The following ST8SIA1 variants were observed in gnomAD, a reference collection of about 807,000 sequenced individuals.
The protein encoded by ST8SIA1 is ST8 alpha-N-acetyl-neuraminide alpha-2,8-sialyltransferase 1, also known as alpha-N-acetylneuraminide alpha-2,8-sialyltransferase.
In ST8SIA1, 16 loss-of-function variants were observed where a neutral mutation model predicts 35.9. The observed-to-expected ratio is 0.45, with a 90% CI of 0.30 to 0.68. ST8SIA1 has a LOEUF of 0.68. Ranked by LOEUF, ST8SIA1 falls within the 30% of genes least tolerant of loss-of-function variation. The pLI is 0.09. For missense variants in ST8SIA1, 383 were observed against 453.6 expected, an observed-to-expected ratio of 0.84 and a Z score of 1.41; for synonymous variants, 170 against 169.6, an observed-to-expected ratio of 1.00 and a Z score of -0.02.
At chr12:22,207,188 A>T (rs1414054497) in intron 4 of ST8SIA1, among the ~76,000 whole-genome samples, 1 of 152,202 alleles carries the variant, frequency 6.6e-6, no homozygotes, top group Non-Finnish European at 1.5e-5. Flanking sequence ...CGACTGCTGC[A>T]TGGAAGGGCT....
intron 1 of ST8SIA1, among the ~76,000 whole-genome samples, chr12:22,332,582 T>A (rs907420229): frequency 2.0e-5 from 3 of 152,170 alleles, no homozygotes; most frequent in Non-Finnish European, 4.4e-5. Context: ...AAGAAAAAAT[T>A]AACCCTTAGA....
At chr12:22,286,408 AATC>A (rs1463499307) in intron 2 of ST8SIA1, 12 of 516,254 alleles carry the variant, frequency 2.3e-5, no homozygotes, top group Admixed American at 1.2e-4. Flanking sequence ...CTTTCTGTAC[AATC>A]ATCTGAGCAA....
chr12:22,247,629 A>G (rs932723926), intron 4 of ST8SIA1, among the ~76,000 whole-genome samples: 2 of 152,176 alleles, frequency 1.3e-5, no homozygotes, highest in African/African-American at 4.8e-5. Flanking sequence ...CATTAGAAAC[A>G]TTCAGGATAT....
intron 1 of ST8SIA1, among the ~76,000 whole-genome samples, chr12:22,320,959 GAA>G (rs1491285040): frequency 3.9e-5 from 3 of 77,156 alleles, no homozygotes; most frequent in African/African-American, 1.3e-4. Context: ...GAAAGAAAGA[GAA>G]AGAAAGAAAG....
At chr12:22,210,074 T>C (rs1865160743) in intron 4 of ST8SIA1, among the ~76,000 whole-genome samples, 1 of 152,206 alleles carries the variant, frequency 6.6e-6, no homozygotes, top group African/African-American at 2.4e-5. Flanking sequence ...GTTATATCCA[T>C]ATTATGATAC....
chr12:22,293,135 G>T (rs1380357979), intron 1 of ST8SIA1, among the ~76,000 whole-genome samples: 1 of 152,172 alleles, frequency 6.6e-6, no homozygotes, highest in Middle Eastern at 3.2e-3. Context: ...AGAAGATCCA[G>T]GATTTGGGGT....
chr12:22,264,504 G>A (rs1014942637), intron 2 of ST8SIA1, among the ~76,000 whole-genome samples: 3 of 152,128 alleles, frequency 2.0e-5, no homozygotes, highest in Non-Finnish European at 4.4e-5. Flanking sequence ...AAACTAACAC[G>A]TATTGGCTTT....
At chr12:22,254,002 T>G (rs1292681120) in intron 3 of ST8SIA1, among the ~76,000 whole-genome samples, 1 of 152,158 alleles carries the variant, frequency 6.6e-6, no homozygotes, top group Non-Finnish European at 1.5e-5. Context: ...GCTACCTTTT[T>G]TCCACTCCTA....
chr12:22,256,509 C>T (rs187264079), intron 2 of ST8SIA1, among the ~76,000 whole-genome samples: 1 of 152,076 alleles, frequency 6.6e-6, no homozygotes, highest in Admixed American at 6.6e-5. Context: ...AAATAACCAC[C>T]CTACATGAAT....
At chr12:22,280,749 C>A (rs931240523) in intron 2 of ST8SIA1, among the ~76,000 whole-genome samples, 14 of 152,168 alleles carry the variant, frequency 9.2e-5, no homozygotes, top group Admixed American at 9.2e-4. Context: ...CACTTCTAAT[C>A]GATTGTTTTC....
At chr12:22,214,872 T>C (rs1865218490) in intron 4 of ST8SIA1, among the ~76,000 whole-genome samples, 1 of 152,170 alleles carries the variant, frequency 6.6e-6, no homozygotes, top group Non-Finnish European at 1.5e-5. Context: ...GTTGAGAAAA[T>C]TAAGGATCGG....
chr12:22,214,863 T>C (rs1865218428), intron 4 of ST8SIA1, among the ~76,000 whole-genome samples: 2 of 152,214 alleles, frequency 1.3e-5, no homozygotes, highest in Non-Finnish European at 2.9e-5. Context: ...TTTTCTGCTG[T>C]TGAGAAAATT....
chr12:22,216,613 T>C (rs115293588), intron 4 of ST8SIA1, among the ~76,000 whole-genome samples: 40 of 152,354 alleles, frequency 2.6e-4, no homozygotes, highest in African/African-American at 9.6e-4. Flanking sequence ...AAGGTACTTG[T>C]CATCTTGCCA....
At chr12:22,229,676 A>C (rs1432054125) in intron 4 of ST8SIA1, among the ~76,000 whole-genome samples, 2 of 151,638 alleles carry the variant, frequency 1.3e-5, no homozygotes, top group African/African-American at 2.4e-5. Flanking sequence ...GGCTTGAAAG[A>C]TGGTGCCAAT....
chr12:22,243,465 G>A, intron 4 of ST8SIA1, among the ~76,000 whole-genome samples: 1 of 152,158 alleles, frequency 6.6e-6, no homozygotes. Context: ...TGCCATGAGA[G>A]TATAGCATCA....
rs1865028693 is a variant in ST8SIA1, at chr12:22,199,606, G to T, written c.*1946C>A. On this transcript the variant is annotated 3_prime_UTR_variant, in exon 5 of 5. Transcript: ENST00000396037. ...TACTCTCGAATTCTTAACTTTCTAA[G>T]TAACATTATAATCTGCACTATCAAC... 6.6e-6 allele frequency: 1 copy of T among 152,034 alleles called. No homozygotes were observed. Among genetic ancestry groups the T allele is most frequent in the African/African-American group, 2.4e-5 (1 of 41,394 alleles). 9.4% of individuals were successfully genotyped at this position (152,034 alleles called of 1,614,324 possible). A position where few individuals can be genotyped will look rare whatever the true frequency, so the allele number is the denominator to read the frequency against.
At chr12:22,289,104 A>T (rs1866142871) in intron 1 of ST8SIA1, among the ~76,000 whole-genome samples, 1 of 152,174 alleles carries the variant, frequency 6.6e-6, no homozygotes, top group Non-Finnish European at 1.5e-5. Context: ...CTAGGCTCTT[A>T]TTGAGTCAAC....
At position 22,201,715 on chromosome 12, in the gene ST8SIA1, T is replaced by G. The variant is rs768256763; in HGVS notation, c.908A>C (p.His303Pro). Residue 303 changes from histidine to proline, a missense_variant, in exon 5 of 5, where the codon CAT (histidine) becomes CCT (proline). Coordinates refer to ENST00000396037, the MANE Select transcript of ST8SIA1 (RefSeq NM_003034.4). The stretch of plus-strand genomic sequence containing the variant: ...GTAGTGGTGGCTGATGGGCTGCTCA[T>G]GCATATTCACAGAGAAGGGCCAGAA... Reference protein sequence around the residue: ...YGFWPFSVNMHEQPISHHYYD... With the variant: ...YGFWPFSVNMPEQPISHHYYD... 1 of 1,614,092 alleles carries G rather than the reference T, an allele frequency of 6.2e-7. No individual in the cohort carries two copies. The highest frequency in any genetic ancestry group is 8.5e-7 in the Non-Finnish European group (1 of 1,179,970).
chr12:22,258,717 G>A (rs561482313), intron 2 of ST8SIA1, among the ~76,000 whole-genome samples: 1 of 152,150 alleles, frequency 6.6e-6, no homozygotes, highest in Non-Finnish European at 1.5e-5. Context: ...GTTCACTCAT[G>A]TTCAACTAAT....
Sources: allele counts gnomAD v4.1 joint callset (sites outside exome capture counted in the v4.1 genomes callset), GRCh38; gene constraint gnomAD v4.1.1; transcripts MANE v1.5; gene names NCBI Gene and HGNC (gene_info 2026-07-23, HGNC 2026-07-21).